IQGAP2: variants seen among roughly 807,000 people sequenced by gnomAD.
IQGAP2 encodes IQ motif containing GTPase activating protein 2.
Under a neutral mutation model 201.3 loss-of-function variants are expected in IQGAP2, and 173 were observed. The ratio of observed to expected loss-of-function variants is 0.86; its 90% confidence interval spans 0.76 to 0.98. The LOEUF is 0.98. Among genes scored for constraint, IQGAP2 ranks in the 50% least tolerant of loss-of-function variants. The probability of loss-of-function intolerance (pLI) is 0.00; values close to 1 mark genes in which losing one functional copy is unlikely to be tolerated. For synonymous variants in IQGAP2, 675 were observed against 673.9 expected, an observed-to-expected ratio of 1.00 and a Z score of -0.03; for missense variants, 1,687 against 1,864.8, an observed-to-expected ratio of 0.90 and a Z score of 1.76.
chr5:76,701,187 A>G lies in IQGAP2; in HGVS notation c.4479A>G (p.Leu1493=), dbSNP rs374871150. ...AGCTGCATGAGAAAGGTGTCCTGCT[A>G]GATATAGATGATCTTCAAACAAACC... The part of the protein sequence containing the change: ...AAKLHEKGVL[L]DIDDLQTNQF... Residue 1493 remains leucine, a synonymous_variant, in exon 34 of 36, where the codon CTA becomes CTG. Coordinates refer to ENST00000274364, the MANE Select transcript of IQGAP2 (RefSeq NM_006633.5). 24 of 1,614,064 alleles carry G rather than the reference A, an allele frequency of 1.5e-5. No individual in the cohort carries two copies. Among genetic ancestry groups the G allele is most frequent in the Non-Finnish European group, 1.9e-5 (23 of 1,179,952 alleles).
intron 1 of IQGAP2, among the ~76,000 whole-genome samples, chr5:76,430,255 G>GT (rs1752289990): frequency 9.9e-5 from 4 of 40,486 alleles, no homozygotes; most frequent in South Asian, 1.5e-3. Context: ...CAGTGGGAAT[G>GT]GCTGTCTCTG....
At chr5:76,462,659 C>T (rs1561390529) in intron 2 of IQGAP2, among the ~76,000 whole-genome samples, 1 of 152,126 alleles carries the variant, frequency 6.6e-6, no homozygotes, top group Non-Finnish European at 1.5e-5. Flanking sequence ...GTTAAATGGT[C>T]ACTGGTGTTA....
At chr5:76,644,874 A>G (rs1042563722) in intron 17 of IQGAP2, among the ~76,000 whole-genome samples, 1 of 152,186 alleles carries the variant, frequency 6.6e-6, no homozygotes, top group African/African-American at 2.4e-5. Context: ...ATTATGCTTT[A>G]AGTTCGGGAT....
intron 2 of IQGAP2, among the ~76,000 whole-genome samples, chr5:76,484,882 A>G (rs986670486): frequency 1.2e-4 from 19 of 152,078 alleles, no homozygotes; most frequent in African/African-American, 4.6e-4. Context: ...CCCAGGCTGG[A>G]GTGCAGTGGC....
At chr5:76,699,878 T>TATACAAAAATA (rs1747185787) in intron 33 of IQGAP2, among the ~76,000 whole-genome samples, 1 of 119,040 alleles carries the variant, frequency 8.4e-6, no homozygotes, top group African/African-American at 3.3e-5. Context: ...CATATATAGT[T>TATACAAAAATA]CATTTGCTTC....
At chr5:76,549,142 G>A (rs1283916161) in intron 2 of IQGAP2, among the ~76,000 whole-genome samples, 1 of 152,072 alleles carries the variant, frequency 6.6e-6, no homozygotes, top group African/African-American at 2.4e-5. Flanking sequence ...ACCATGAAAG[G>A]TACCTACTAT....
At chr5:76,567,796 T>C (rs1185990374) in intron 3 of IQGAP2, among the ~76,000 whole-genome samples, 1 of 152,194 alleles carries the variant, frequency 6.6e-6, no homozygotes. Context: ...ATATGTAGAA[T>C]GTTAGCATCC....
intron 2 of IQGAP2, among the ~76,000 whole-genome samples, chr5:76,529,833 T>C (rs1288096793): frequency 6.6e-6 from 1 of 152,142 alleles, no homozygotes; most frequent in African/African-American, 2.4e-5. Flanking sequence ...GGCTTCTTTT[T>C]CCTGTGGACA....
chr5:76,457,772 A>G (rs1283309084), intron 1 of IQGAP2, among the ~76,000 whole-genome samples: 5 of 152,328 alleles, frequency 3.3e-5, no homozygotes, highest in Non-Finnish European at 7.3e-5. Context: ...ATTTCAAAAT[A>G]CTCTCTAACA....
intron 14 of IQGAP2, among the ~76,000 whole-genome samples, chr5:76,631,355 T>C (rs1750689915): frequency 6.6e-6 from 1 of 152,154 alleles, no homozygotes; most frequent in South Asian, 2.1e-4. Context: ...GTTGCACATA[T>C]CCACCAGCTC....
rs538964606 is a variant in IQGAP2, at chr5:76,702,590, G to C, written c.4614G>C (p.Gln1538His). Residue 1538 changes from glutamine to histidine, a missense_variant and splice_region_variant, in exon 35 of 36, where the codon CAG becomes CAC. By Grantham distance (24) the Gln-to-His change is conservative. Coordinates refer to ENST00000274364, the MANE Select transcript of IQGAP2 (RefSeq NM_006633.5). ...TGGAAAAGGTGCAACTCAATATTCA[G>C]GTAAGCTGCTGGAATTTCTGCACAT... Reference protein sequence around the residue: ...VEMEKVQLNIQDLLQMQYEGV... With the variant: ...VEMEKVQLNIHDLLQMQYEGV... 1 of 1,436,340 alleles carries C rather than the reference G, an allele frequency of 7.0e-7. No individual in the cohort carries two copies. Among genetic ancestry groups the C allele is most frequent in the Non-Finnish European group, 9.8e-7 (1 of 1,019,142 alleles). 89.0% of individuals were successfully genotyped at this position (1,436,340 alleles called of 1,614,324 possible).
At chr5:76,660,176 C>T (rs1315454032) in intron 21 of IQGAP2, 1 of 152,226 alleles carries the variant, frequency 6.6e-6, no homozygotes, top group Non-Finnish European at 1.5e-5. Flanking sequence ...CTGCCAGTTA[C>T]ATGGGCATGT....
intron 5 of IQGAP2, among the ~76,000 whole-genome samples, chr5:76,587,802 C>T (rs1339502130): frequency 1.3e-5 from 2 of 151,840 alleles, no homozygotes; most frequent in Admixed American, 1.3e-4. Context: ...AAAAAGTAGA[C>T]GGGCTCTGTG....
intron 2 of IQGAP2, among the ~76,000 whole-genome samples, chr5:76,532,034 A>G (rs563200330): frequency 2.0e-5 from 3 of 152,344 alleles, no homozygotes; most frequent in Admixed American, 6.5e-5. Flanking sequence ...TCATGGCCTA[A>G]TGGCCTCCCA....
chr5:76,668,199 G>A (rs1743964403), intron 22 of IQGAP2, among the ~76,000 whole-genome samples: 1 of 151,920 alleles, frequency 6.6e-6, no homozygotes, highest in South Asian at 2.1e-4. Flanking sequence ...AGTGTCTTTG[G>A]ACACCAGATT....
Position 76,694,257 on chromosome 5 carries a change from AC to A in IQGAP2, c.3993+820del, listed in dbSNP as rs554635163. On this transcript the variant is annotated intron_variant, in intron 31 of 35. Transcript: ENST00000274364. ...ACACCAGCCTGGACAACACAGTGAG[AC>A]CCCCATCTCTAATTTTTAAAAATTT... Among the ~76,000 whole-genome samples the A allele has an allele frequency of 5.9e-5, 9 of 152,232 alleles. No individual in the cohort carries two copies. In the East Asian group the frequency reaches 1.5e-3, roughly 26 times the overall value.
At chr5:76,685,027 G>A (rs898482884) in intron 30 of IQGAP2, among the ~76,000 whole-genome samples, 1 of 152,154 alleles carries the variant, frequency 6.6e-6, no homozygotes, top group Non-Finnish European at 1.5e-5. Context: ...TTGAGGCTGG[G>A]ATACAACAGT....
chr5:76,461,524 T>C (rs757392687), intron 1 of IQGAP2, 46 bp from the exon 2 acceptor site: 14 of 1,382,946 alleles, frequency 1.0e-5, no homozygotes, highest in Non-Finnish European at 1.4e-5. Context: ...AGGTGTTTAA[T>C]GAAGACTGCC....
At chr5:76,640,126 TC>T (rs1236382606) in intron 16 of IQGAP2, among the ~76,000 whole-genome samples, 1 of 22,142 alleles carries the variant, frequency 4.5e-5, no homozygotes, top group Non-Finnish European at 1.1e-4. Flanking sequence ...ACAACTGGAA[TC>T]CAGTTACCTG....
Sources: allele counts gnomAD v4.1 joint callset (sites outside exome capture counted in the v4.1 genomes callset), GRCh38; gene constraint gnomAD v4.1.1; transcripts MANE v1.5; gene names NCBI Gene and HGNC (gene_info 2026-07-23, HGNC 2026-07-21).